GREB1L: variants seen among roughly 807,000 people sequenced by gnomAD.
The protein encoded by GREB1L is GREB1-like protein.
A neutral mutation model predicts 200.8 loss-of-function variants in GREB1L; 17 were observed. That is an observed-to-expected ratio of 0.08 (90% CI 0.06 to 0.13). GREB1L has a LOEUF of 0.13. Among genes scored for constraint, GREB1L ranks in the 10% least tolerant of loss-of-function variants. The pLI is 1.00. For synonymous variants in GREB1L, 789 were observed against 893.0 expected, an observed-to-expected ratio of 0.88 and a Z score of 2.08; for missense variants, 1,657 against 2,367.7, an observed-to-expected ratio of 0.70 and a Z score of 6.23.
intron 1 of GREB1L, among the ~76,000 whole-genome samples, chr18:21,318,126 CAAAG>C (rs1448508300): frequency 4.0e-4 from 46 of 115,052 alleles, no homozygotes; most frequent in African/African-American, 9.1e-4. Flanking sequence ...AAAAAAAAAA[CAAAG>C]AGAGAAAGAA....
intron 1 of GREB1L, among the ~76,000 whole-genome samples, chr18:21,243,519 C>A (rs1302382520): frequency 6.6e-6 from 1 of 152,202 alleles, no homozygotes; most frequent in African/African-American, 2.4e-5. Context: ...GGCGGGAATC[C>A]CTGCTTAAAT....
At chr18:21,347,805 C>T (rs866392693) in intron 1 of GREB1L, among the ~76,000 whole-genome samples, 144 of 142,822 alleles carry the variant, frequency 1.0e-3, no homozygotes, top group African/African-American at 2.4e-3. Flanking sequence ...GTTGCTCTGT[C>T]GCCCAGGCTG....
intron 1 of GREB1L, among the ~76,000 whole-genome samples, chr18:21,319,715 A>G (rs2038923760): frequency 6.6e-6 from 1 of 152,264 alleles, no homozygotes; most frequent in South Asian, 2.1e-4. Flanking sequence ...AAACCAGGGC[A>G]TGGGTAGAGG....
intron 1 of GREB1L, among the ~76,000 whole-genome samples, chr18:21,263,373 G>A (rs1166652695): frequency 2.6e-5 from 4 of 152,158 alleles, no homozygotes; most frequent in Non-Finnish European, 5.9e-5. Context: ...TGTAGTTTCT[G>A]TGCTGAGATT....
chr18:21,361,928 T>C (rs2143558826), intron 1 of GREB1L, among the ~76,000 whole-genome samples: 1 of 152,282 alleles, frequency 6.6e-6, no homozygotes, highest in Non-Finnish European at 1.5e-5. Context: ...TGTTGAATGA[T>C]GTGGTAGTTT....
Position 21,362,618 on chromosome 18 carries a change from T to G in GREB1L, c.-119-3409T>G, listed in dbSNP as rs183813324. Among the ~76,000 whole-genome samples, 8 of 152,330 alleles carry G rather than the reference T, an allele frequency of 5.3e-5. No homozygotes were observed. In the East Asian group the frequency reaches 1.5e-3, roughly 29 times the overall value. ...AGCTCCAACAGAGGTTTTCCTGTGT[T>G]GCTCGATATCTATTCTAAAAACGGG... On this transcript the variant is annotated intron_variant, in intron 1 of 32. Coordinates refer to ENST00000424526, the MANE Select transcript of GREB1L (RefSeq NM_001142966.3).
intron 7 of GREB1L, among the ~76,000 whole-genome samples, chr18:21,436,745 CT>C (rs1456371340): frequency 1.3e-5 from 2 of 151,106 alleles, no homozygotes; most frequent in Admixed American, 6.6e-5. Flanking sequence ...GGGTATCTCT[CT>C]GTCACCCAGG....
At chr18:21,434,537 A>ATGTGTGTG (rs2033406191) in intron 7 of GREB1L, among the ~76,000 whole-genome samples, 1 of 145,424 alleles carries the variant, frequency 6.9e-6, no homozygotes, top group Non-Finnish European at 1.5e-5. Context: ...GTGTGTATAT[A>ATGTGTGTG]TATGTGTATA....
intron 4 of GREB1L, among the ~76,000 whole-genome samples, chr18:21,388,498 G>A (rs1293068659): frequency 1.3e-5 from 2 of 149,060 alleles, no homozygotes; most frequent in East Asian, 2.0e-4. Flanking sequence ...TCCAGGATAC[G>A]GCATCAGATT....
At chr18:21,254,295 C>G (rs998993398) in intron 1 of GREB1L, among the ~76,000 whole-genome samples, 7 of 151,948 alleles carry the variant, frequency 4.6e-5, no homozygotes, top group African/African-American at 1.7e-4. Flanking sequence ...GTCTCGAACT[C>G]CTTTCCTCAG....
intron 7 of GREB1L, among the ~76,000 whole-genome samples, chr18:21,415,478 G>A (rs765380195): frequency 4.6e-5 from 7 of 152,086 alleles, no homozygotes; most frequent in African/African-American, 1.7e-4. Context: ...CTCCAGCCTG[G>A]GCAGCGAATG....
chr18:21,490,925 C>T (rs1274561796), intron 19 of GREB1L, among the ~76,000 whole-genome samples: 1 of 152,162 alleles, frequency 6.6e-6, no homozygotes, highest in Non-Finnish European at 1.5e-5. Context: ...TGGACTGAGA[C>T]TTTGCCAGGC....
intron 18 of GREB1L, among the ~76,000 whole-genome samples, chr18:21,487,658 A>T (rs2036176334): frequency 1.3e-5 from 2 of 152,164 alleles, no homozygotes; most frequent in Non-Finnish European, 2.9e-5. Context: ...ATGAACTGGG[A>T]CAAGCAGCTG....
chr18:21,491,747 C>A (rs1355664232), intron 19 of GREB1L, among the ~76,000 whole-genome samples: 1 of 151,478 alleles, frequency 6.6e-6, no homozygotes, highest in Non-Finnish European at 1.5e-5. Context: ...AGATGTAAAT[C>A]TTCTTCTTGT....
chr18:21,395,679 G>T, intron 5 of GREB1L, 118 bp downstream of exon 5: 4 of 657,006 alleles, frequency 6.1e-6, no homozygotes, highest in Non-Finnish European at 9.7e-6. Flanking sequence ...GGATTATATA[G>T]TTTAGTTCAA....
intron 1 of GREB1L, among the ~76,000 whole-genome samples, chr18:21,258,764 CT>C (rs1448634993): frequency 2.6e-5 from 4 of 152,024 alleles, no homozygotes; most frequent in Non-Finnish European, 5.9e-5. Context: ...GTTTATAATC[CT>C]TCGTGCGTGT....
chr18:21,472,851 T>A (rs942338933), intron 15 of GREB1L, among the ~76,000 whole-genome samples, 180 bp from the exon 16 acceptor site: 5 of 152,172 alleles, frequency 3.3e-5, no homozygotes, highest in African/African-American at 1.2e-4. Context: ...AAGAAAAGGA[T>A]ATCTGATATT....
rs140650425 is a variant in GREB1L at position 21,443,095 on chromosome 18, G to A, written c.1208-1129G>A. Among the ~76,000 whole-genome samples the A allele has an allele frequency of 7.9e-5, 12 of 152,118 alleles. No individual in the cohort carries two copies. The East Asian group carries it at 2.1e-3, about 27-fold the overall frequency. On this transcript the variant is annotated intron_variant, in intron 10 of 32. Coordinates refer to ENST00000424526, the MANE Select transcript of GREB1L (RefSeq NM_001142966.3). ...AGTTTTGTATTTTTAGTAGAGATGG[G>A]GTTTCATCATGTTGGCCAGGCTGGT... is the stretch of plus-strand genomic sequence containing the variant.
At chr18:21,411,600 A>G (rs1254975595) in intron 7 of GREB1L, among the ~76,000 whole-genome samples, 2 of 152,202 alleles carry the variant, frequency 1.3e-5, no homozygotes, top group East Asian at 1.9e-4. Context: ...GTTGCAATAC[A>G]TAGTAAAGTA....
Sources: allele counts gnomAD v4.1 joint callset (sites outside exome capture counted in the v4.1 genomes callset), GRCh38; gene constraint gnomAD v4.1.1; transcripts MANE v1.5; gene names NCBI Gene and HGNC (gene_info 2026-07-23, HGNC 2026-07-21).